The following RFX3 variants were observed in gnomAD, a reference collection of about 807,000 sequenced individuals.
RFX3 encodes the protein regulatory factor X3, also known as transcription factor RFX3.
RFX3 carries 14 observed loss-of-function variants against 98.6 expected under a neutral mutation model. The observed-to-expected ratio is 0.14, with a 90% CI of 0.09 to 0.22. The LOEUF is 0.22. Among genes scored for constraint, RFX3 ranks in the 10% least tolerant of loss-of-function variants. The pLI, the probability that RFX3 is intolerant of heterozygous loss-of-function variation, is 1.00. For synonymous variants in RFX3, 383 were observed against 328.4 expected (o/e 1.17, Z -1.80); for missense variants, 639 against 926.9 (o/e 0.69, Z 4.03).
chr9:3,492,327 G>T (rs1188878047), intron 1 of RFX3, among the ~76,000 whole-genome samples: 1 of 152,174 alleles, frequency 6.6e-6, no homozygotes, highest in Non-Finnish European at 1.5e-5. Context: ...TGACACTCAT[G>T]TCAGATGTCC....
In RFX3 at chr9:3,341,416, T is replaced by TA. The variant is rs34541119; in HGVS notation, c.215+5250dup. On this transcript the variant is annotated intron_variant, in intron 3 of 16. Transcript: ENST00000617270. ...ACTTAAAGTATAATAATAATAAAAT[T>TA]AAAAAAAAAAAGATTTAACAACTGA... 3.0e-4 allele frequency among the ~76,000 whole-genome samples: 44 copies of TA among 147,190 alleles called. 1 individual carries two copies. Among genetic ancestry groups the TA allele is most frequent in the Middle Eastern group, 3.4e-3 (1 of 290 alleles).
chr9:3,354,653 T>A (rs898077889), intron 2 of RFX3, among the ~76,000 whole-genome samples: 1 of 151,746 alleles, frequency 6.6e-6, no homozygotes, highest in East Asian at 1.9e-4. Context: ...ATCCTTTTTC[T>A]GACAAACAAA....
intron 13 of RFX3, among the ~76,000 whole-genome samples, chr9:3,260,694 G>A (rs1822760356): frequency 6.6e-6 from 1 of 151,310 alleles, no homozygotes; most frequent in Non-Finnish European, 1.5e-5. Flanking sequence ...TAATACTCTT[G>A]CTTATTCAGT....
chr9:3,396,202 C>G (rs1840854158), intron 1 of RFX3, among the ~76,000 whole-genome samples: 1 of 152,050 alleles, frequency 6.6e-6, no homozygotes, highest in African/African-American at 2.4e-5. Context: ...CCCTCCACCC[C>G]ACAACAGGCC....
chr9:3,311,347 T>G (rs766348448), intron 4 of RFX3, among the ~76,000 whole-genome samples: 57 of 152,190 alleles, frequency 3.7e-4, no homozygotes, highest in Admixed American at 6.5e-4. Flanking sequence ...TGGAGACTTA[T>G]GTTTAGAAAA....
intron 1 of RFX3, among the ~76,000 whole-genome samples, chr9:3,470,943 T>C (rs1441372140): frequency 1.3e-5 from 2 of 152,204 alleles, no homozygotes; most frequent in Admixed American, 1.3e-4. Flanking sequence ...TCTGGCTATT[T>C]CTTTTCTAAC....
rs1337339406 is a variant in RFX3 at position 3,504,514 on chromosome 9, GCA to G, written c.-9+21231_-9+21232del. 1.8e-3 allele frequency among the ~76,000 whole-genome samples: 223 copies of G among 122,090 alleles called. 18 individuals are homozygous for G. The highest frequency in any genetic ancestry group is 3.6e-3 in the African/African-American group (111 of 31,076). 80.1% of individuals were successfully genotyped at this position (122,090 alleles called of 152,430 possible). A position where few individuals can be genotyped will look rare whatever the true frequency, so the allele number is the denominator to read the frequency against. On this transcript the variant is annotated intron_variant, in intron 1 of 16. Coordinates refer to ENST00000617270, the MANE Select transcript of RFX3 (RefSeq NM_001282116.2). ...TATTATATGCCATATGGTATATATT[GCA>G]TATAAAATATATATTATATGCCATA... is the stretch of plus-strand genomic sequence containing the variant.
At chr9:3,461,672 G>A (rs1199632559) in intron 1 of RFX3, among the ~76,000 whole-genome samples, 1 of 151,806 alleles carries the variant, frequency 6.6e-6, no homozygotes, top group African/African-American at 2.4e-5. Context: ...ATGTACAAGA[G>A]ACTTCACAAA....
chr9:3,281,506 A>C (rs962971440), intron 7 of RFX3, among the ~76,000 whole-genome samples: 6 of 151,722 alleles, frequency 4.0e-5, no homozygotes, highest in African/African-American at 1.4e-4. Flanking sequence ...GTAAACTCTT[A>C]GTACTCTTTC....
intron 16 of RFX3, among the ~76,000 whole-genome samples, chr9:3,227,234 A>T (rs1397473399): frequency 6.6e-6 from 1 of 152,226 alleles, no homozygotes; most frequent in Non-Finnish European, 1.5e-5. Context: ...CAGTGGAGAC[A>T]AAGTGAGGAA....
intron 1 of RFX3, among the ~76,000 whole-genome samples, chr9:3,517,533 T>A (rs7035879): frequency 6.6e-6 from 1 of 152,156 alleles, no homozygotes; most frequent in Non-Finnish European, 1.5e-5. Context: ...CCAAGAACCT[T>A]CAGAAATCTT....
intron 1 of RFX3, among the ~76,000 whole-genome samples, chr9:3,471,208 CCAT>C (rs1294843829): frequency 6.6e-6 from 1 of 152,166 alleles, no homozygotes; most frequent in Non-Finnish European, 1.5e-5. Context: ...TTAGATGCTG[CCAT>C]AATAACAGCA....
chr9:3,452,359 G>A, intron 1 of RFX3: 1 of 329,892 alleles, frequency 3.0e-6, no homozygotes, highest in Non-Finnish European at 6.5e-6. Flanking sequence ...GGGAGGCCAA[G>A]GCAGGAGAAC....
At chr9:3,326,877 T>C (rs751103726) in intron 4 of RFX3, among the ~76,000 whole-genome samples, 6 of 152,150 alleles carry the variant, frequency 3.9e-5, no homozygotes, top group African/African-American at 1.4e-4. Context: ...TAATTGACTA[T>C]GCATTACACT....
chr9:3,428,739 C>T (rs935958245), intron 1 of RFX3, among the ~76,000 whole-genome samples: 2 of 152,134 alleles, frequency 1.3e-5, no homozygotes, highest in Admixed American at 6.5e-5. Flanking sequence ...TGTCCCCAAA[C>T]TACAACAGAT....
intron 4 of RFX3, among the ~76,000 whole-genome samples, chr9:3,311,759 C>T (rs1282851447): frequency 6.6e-6 from 1 of 152,022 alleles, no homozygotes; most frequent in African/African-American, 2.4e-5. Flanking sequence ...GGGTGGGCGC[C>T]TGTTATCCCA....
At chr9:3,315,848 A>C (rs1238283803) in intron 4 of RFX3, among the ~76,000 whole-genome samples, 1 of 152,182 alleles carries the variant, frequency 6.6e-6, no homozygotes, top group Non-Finnish European at 1.5e-5. Flanking sequence ...CCCTGAATAG[A>C]CCAATAACAG....
chr9:3,435,991 T>C (rs1383343807), intron 1 of RFX3, among the ~76,000 whole-genome samples: 1 of 151,974 alleles, frequency 6.6e-6, no homozygotes, highest in African/African-American at 2.4e-5. Flanking sequence ...CACTCTGGTG[T>C]CTCTATGCTG....
intron 2 of RFX3, among the ~76,000 whole-genome samples, chr9:3,373,382 G>C (rs994413184): frequency 6.6e-6 from 1 of 152,118 alleles, no homozygotes; most frequent in Non-Finnish European, 1.5e-5. Context: ...TAGGTAACCT[G>C]AGAAAGCTAA....
Sources: gnomAD v4.1 joint callset for allele counts (sites outside exome capture counted in the v4.1 genomes callset) on GRCh38, gnomAD v4.1.1 for gene constraint, MANE v1.5 for transcripts, NCBI Gene and HGNC (gene_info 2026-07-23, HGNC 2026-07-21) for gene names.